Variants in ANXA2 observed in about 807,000 individuals in gnomAD.
ANXA2 encodes the protein annexin A2.
Under a neutral mutation model 47.3 loss-of-function variants are expected in ANXA2, and 28 were observed. The ratio of observed to expected loss-of-function variants is 0.59; its 90% CI spans 0.44 to 0.81. The LOEUF (loss-of-function observed/expected upper bound fraction) is 0.81, where lower values mean the gene tolerates loss of function less well. ANXA2 is among the 40% of genes least tolerant of loss of function. The probability of loss-of-function intolerance (pLI) is 0.00; values close to 1 mark genes in which losing one functional copy is unlikely to be tolerated. For missense variants in ANXA2, 384 were observed against 414.3 expected (o/e 0.93, Z 0.64); for synonymous variants, 172 against 155.5 (o/e 1.11, Z -0.79).
intron 3 of ANXA2, among the ~76,000 whole-genome samples, chr15:60,372,779 G>A (rs2062727579): frequency 6.8e-6 from 1 of 146,102 alleles, no homozygotes; most frequent in African/African-American, 2.6e-5. Flanking sequence ...CTGTAGCCTC[G>A]ACCTCCTGGG....
chr15:60,386,380 T>C (rs1008689385), intron 1 of ANXA2: 2 of 316,230 alleles, frequency 6.3e-6, no homozygotes, highest in Admixed American at 4.6e-5. Flanking sequence ...CCATGGCTAA[T>C]GCAACCTGTT....
chr15:60,357,057 C>CATCACTA, intron 6 of ANXA2, 89 bp downstream of exon 6: 1 of 1,179,716 alleles, frequency 8.5e-7, no homozygotes, highest in South Asian at 1.3e-5. Context: ...CTAATGCAGG[C>CATCACTA]ATCTTAGCCC....
chr15:60,376,675 G>A (rs572426988), intron 3 of ANXA2, among the ~76,000 whole-genome samples: 36 of 152,328 alleles, frequency 2.4e-4, no homozygotes, highest in Middle Eastern at 3.4e-3. Flanking sequence ...AAGAAGAGCA[G>A]GTGTGACTGA....
chr15:60,385,195 C>A (rs2140919048), intron 2 of ANXA2, among the ~76,000 whole-genome samples: 1 of 152,286 alleles, frequency 6.6e-6, no homozygotes, highest in East Asian at 1.9e-4. Context: ...ACAATAATTT[C>A]ATTATATTCT....
At position 60,354,232 on chromosome 15, in the gene ANXA2, G is replaced by A; in HGVS notation, c.529-19C>T. ...TTCTACCCTATGGGGGAAAGAAAAAGAACTTCAAATACATTTCTTTGTGTA... is the reference window on the plus strand; with the variant it reads ...TTCTACCCTATGGGGGAAAGAAAAAAAACTTCAAATACATTTCTTTGTGTA... On this transcript the variant is annotated intron_variant, in intron 7 of 12. Coordinates refer to ENST00000451270, the MANE Select transcript of ANXA2 (RefSeq NM_004039.3). 1.3e-6 allele frequency: 2 copies of A among 1,590,970 alleles called. No homozygotes were observed. Among genetic ancestry groups the A allele is most frequent in the African/African-American group, 1.4e-5 (1 of 73,938 alleles).
At chr15:60,350,923 G>T (rs1895978618) in intron 11 of ANXA2, among the ~76,000 whole-genome samples, 1 of 152,168 alleles carries the variant, frequency 6.6e-6, no homozygotes, top group Non-Finnish European at 1.5e-5. Context: ...CCTAAGCAGG[G>T]ATCAGACACG....
chr15:60,349,904 AGG>A (rs1895921592), intron 11 of ANXA2, among the ~76,000 whole-genome samples: 1 of 54,616 alleles, frequency 1.8e-5, no homozygotes, highest in Non-Finnish European at 3.8e-5. Context: ...GCAGGGAGGC[AGG>A]GGAAGGCAGG....
intron 3 of ANXA2, among the ~76,000 whole-genome samples, chr15:60,366,128 G>T (rs969360153): frequency 3.7e-5 from 5 of 133,406 alleles, no homozygotes; most frequent in Non-Finnish European, 8.0e-5. Context: ...TGGGATTGCA[G>T]ATGGAGTCTC....
At chr15:60,395,302 T>C (rs1313379170) in intron 1 of ANXA2, among the ~76,000 whole-genome samples, 1 of 152,360 alleles carries the variant, frequency 6.6e-6, no homozygotes, top group East Asian at 1.9e-4. Context: ...TGTTCACTGC[T>C]GTATCCCTAG....
intron 3 of ANXA2, among the ~76,000 whole-genome samples, chr15:60,369,143 C>T (rs1157047252): frequency 1.3e-5 from 2 of 152,178 alleles, no homozygotes; most frequent in African/African-American, 2.4e-5. Context: ...TTCCACAAAA[C>T]ACTAATGGAT....
chr15:60,347,750 A>G, intron 12 of ANXA2, 61 bp from the exon 13 acceptor site: 1 of 1,411,298 alleles, frequency 7.1e-7, no homozygotes. Flanking sequence ...ACTCCTCAAT[A>G]ACACAGAAGT....
At position 60,351,191 on chromosome 15, in the gene ANXA2, A is replaced by G. The variant is rs1029599635; in HGVS notation, c.837+2T>C. On this transcript the variant is annotated splice_donor_variant, in intron 11 of 12. Transcript: ENST00000451270. LOFTEE classifies it high-confidence loss of function. ...ACAGCTCTCTCAGCCAGCTGCCCTT[A>G]CCTTCATGGAGTCATACAGCCGATC... 6.2e-7 allele frequency: 1 copy of G among 1,614,080 alleles called. No homozygotes were observed. The highest frequency in any genetic ancestry group is 8.5e-7 in the Non-Finnish European group (1 of 1,179,954).
At chr15:60,376,825 G>A (rs1234708834) in intron 3 of ANXA2, among the ~76,000 whole-genome samples, 2 of 152,180 alleles carry the variant, frequency 1.3e-5, no homozygotes, top group African/African-American at 2.4e-5. Context: ...TGCACCATCC[G>A]TGTACTCGAC....
intron 12 of ANXA2, 105 bp from the exon 13 acceptor site, chr15:60,347,794 AAAGAG>A (rs1895789447): frequency 2.0e-6 from 2 of 1,022,448 alleles, no homozygotes; most frequent in Non-Finnish European, 3.0e-6. Flanking sequence ...CTCCCATGAC[AAAGAG>A]AAGACTCTGC....
chr15:60,369,525 T>A (rs999231739), intron 3 of ANXA2, among the ~76,000 whole-genome samples: 6 of 152,194 alleles, frequency 3.9e-5, no homozygotes, highest in Non-Finnish European at 7.3e-5. Context: ...CAGTGACCCA[T>A]AAAAAAGTAT....
chr15:60,369,765 G>A (rs77630875), intron 3 of ANXA2, among the ~76,000 whole-genome samples: 22 of 152,260 alleles, frequency 1.4e-4, no homozygotes, highest in Non-Finnish European at 2.8e-4. Context: ...AACCATGGTG[G>A]GAAATGGAAA....
chr15:60,397,976 A>T lies in ANXA2; in HGVS notation c.-45T>A. On this transcript the variant is annotated 5_prime_UTR_variant, in exon 1 of 13. Coordinates refer to ENST00000451270, the MANE Select transcript of ANXA2 (RefSeq NM_004039.3). ...TGCGCCGAGAGCTGAGAGCGTCCCC[A>T]AATGCTGAGCAGAGCCGGCTGGCCT... 8.0e-7 allele frequency: 1 copy of T among 1,247,468 alleles called. No individual in the cohort carries two copies. Among genetic ancestry groups the T allele is most frequent in the Non-Finnish European group, 1.0e-6 (1 of 988,548 alleles). The allele number at this position is 1,247,468 out of a possible 1,614,324, so 77.3% of individuals were successfully genotyped here. A position where few individuals can be genotyped will look rare whatever the true frequency, so the allele number is the denominator to read the frequency against.
intron 3 of ANXA2, among the ~76,000 whole-genome samples, chr15:60,371,811 CAG>C (rs2062713722): frequency 6.6e-6 from 1 of 152,156 alleles, no homozygotes; most frequent in Non-Finnish European, 1.5e-5. Context: ...GACAATGCCA[CAG>C]AGTTATGGGT....
chr15:60,382,461 A>G lies in ANXA2; in HGVS notation c.49-20T>C, dbSNP rs368142886. ...AGAGTGCTGAGGTTAAAAGATAAACATACTCAAATGACACACATTTAAAAT... is the reference window on the plus strand; with the variant it reads ...AGAGTGCTGAGGTTAAAAGATAAACGTACTCAAATGACACACATTTAAAAT... On this transcript the variant is annotated intron_variant, in intron 2 of 12. Coordinates refer to ENST00000451270, the MANE Select transcript of ANXA2 (RefSeq NM_004039.3). 1.2e-5 allele frequency: 19 copies of G among 1,523,008 alleles called. No homozygotes were observed. Among genetic ancestry groups the G allele is most frequent in the Non-Finnish European group, 1.7e-5 (19 of 1,099,142 alleles). 94.3% of individuals were successfully genotyped at this position (1,523,008 alleles called of 1,614,324 possible). A position where few individuals can be genotyped will look rare whatever the true frequency, so the allele number is the denominator to read the frequency against.
Sources: gnomAD v4.1 joint callset for allele counts (sites outside exome capture counted in the v4.1 genomes callset) on GRCh38, gnomAD v4.1.1 for gene constraint, MANE v1.5 for transcripts, NCBI Gene and HGNC (gene_info 2026-07-23, HGNC 2026-07-21) for gene names.